Variants in ADGRV1 observed in about 807,000 individuals in gnomAD.
The protein encoded by ADGRV1 is adhesion G protein-coupled receptor V1.
ADGRV1 carries 359 observed loss-of-function variants against 596.2 expected under a neutral mutation model. The observed-to-expected ratio is 0.60, with a 90% CI of 0.55 to 0.66. The LOEUF (loss-of-function observed/expected upper bound fraction) is 0.66. Ranked by LOEUF, ADGRV1 falls within the 30% of genes least tolerant of loss-of-function variation. ADGRV1 has a pLI of 0.00. For missense variants in ADGRV1, 7,274 were observed against 7,575.6 expected, an observed-to-expected ratio of 0.96 and a Z score of 1.48; for synonymous variants, 2,681 against 2,679.2, an observed-to-expected ratio of 1.00 and a Z score of -0.02.
chr5:90,979,711 T>C (rs902811822), intron 84 of ADGRV1, among the ~76,000 whole-genome samples: 2 of 152,194 alleles, frequency 1.3e-5, no homozygotes, highest in Non-Finnish European at 2.9e-5. Context: ...TAAAGAATTG[T>C]CATTTCTGCA....
chr5:90,645,421 G>A (rs1396276948), intron 15 of ADGRV1, among the ~76,000 whole-genome samples: 1 of 152,056 alleles, frequency 6.6e-6, no homozygotes, highest in African/African-American at 2.4e-5. Context: ...CAGTTCACAG[G>A]GATGACGTGA....
intron 83 of ADGRV1, among the ~76,000 whole-genome samples, chr5:90,939,617 A>G (rs1334010132): frequency 6.6e-6 from 1 of 152,204 alleles, no homozygotes; most frequent in Non-Finnish European, 1.5e-5. Flanking sequence ...ATGATAACTT[A>G]GGATAAAGAG....
At chr5:90,689,332 CT>C (rs34756274) in intron 29 of ADGRV1, among the ~76,000 whole-genome samples, 1,800 of 104,382 alleles carry the variant, frequency 0.017, 28 homozygotes, top group African/African-American at 0.06. Flanking sequence ...CCCCACCCAC[CT>C]TTTTTTTTTT....
Position 91,141,587 on chromosome 5 carries a change from G to C in ADGRV1, c.18433-8443G>C, listed in dbSNP as rs144684373. The stretch of plus-strand genomic sequence containing the variant: ...AGCAATTTTAAATGAAAAAAACTAA[G>C]AGTAGTTTTTAAAGATGAAGCAATT... On this transcript the variant is annotated intron_variant, in intron 87 of 89. Coordinates refer to ENST00000405460, the MANE Select transcript of ADGRV1 (RefSeq NM_032119.4). Among the ~76,000 whole-genome samples the C allele has an allele frequency of 3.8e-3, 579 of 152,196 alleles. 3 individuals carry two copies. The highest frequency in any genetic ancestry group is 0.013 in the African/African-American group (547 of 41,534).
intron 87 of ADGRV1, among the ~76,000 whole-genome samples, chr5:91,104,787 T>A (rs1195391434): frequency 6.6e-6 from 1 of 152,142 alleles, no homozygotes; most frequent in Non-Finnish European, 1.5e-5. Context: ...TAATTGTGAT[T>A]TTTGTCATTA....
intron 18 of ADGRV1, 63 bp from the exon 19 acceptor site, chr5:90,652,283 C>T (rs1315048347): frequency 8.6e-7 from 1 of 1,169,454 alleles, no homozygotes; most frequent in African/African-American, 1.6e-5. Flanking sequence ...TCCTTAATAA[C>T]ACAGGAAGCT....
intron 13 of ADGRV1, among the ~76,000 whole-genome samples, chr5:90,643,426 G>A (rs1767264068): frequency 1.3e-5 from 2 of 152,060 alleles, no homozygotes; most frequent in South Asian, 2.1e-4. Flanking sequence ...AGAAATTTGA[G>A]TTTTATATTA....
chr5:90,798,724 T>A (rs183301624), intron 70 of ADGRV1, among the ~76,000 whole-genome samples: 2 of 152,228 alleles, frequency 1.3e-5, no homozygotes, highest in African/African-American at 2.4e-5. Flanking sequence ...AAAGCTTATC[T>A]ACCATGATCA....
At chr5:91,056,720 T>C (rs1185082480) in intron 85 of ADGRV1, among the ~76,000 whole-genome samples, 3 of 152,164 alleles carry the variant, frequency 2.0e-5, no homozygotes, top group Admixed American at 6.5e-5. Context: ...ACTAGGCTTC[T>C]TATCTTCAAG....
Position 90,706,349 on chromosome 5 carries a change from A to G in ADGRV1, c.8685A>G (p.Leu2895=), listed in dbSNP as rs760885944. The part of the protein sequence containing the change: ...DFVPIIGFLI[L]EEGETAAAIN... Reference sequence around the variant, plus strand: ...TCCCTATCATTGGCTTTCTGATTTTAGAAGAAGGGGAAACAGCAGCAGCCA... The same window carrying G: ...TCCCTATCATTGGCTTTCTGATTTTGGAAGAAGGGGAAACAGCAGCAGCCA... Residue 2895 remains leucine (L), a synonymous_variant, in exon 38 of 90, where the codon TTA becomes TTG. Coordinates refer to ENST00000405460, the MANE Select transcript of ADGRV1 (RefSeq NM_032119.4). The G allele has an allele frequency of 1.9e-6, 3 of 1,612,748 alleles. No individual in the cohort carries two copies. Among genetic ancestry groups the G allele is most frequent in the African/African-American group, 2.7e-5 (2 of 74,996 alleles).
At chr5:90,692,537 C>T in intron 31 of ADGRV1, 68 bp from the exon 32 acceptor site, 48 of 1,247,970 alleles carry the variant, frequency 3.8e-5, no homozygotes, top group South Asian at 7.8e-5. Flanking sequence ...GATTTTTTTC[C>T]CTTGAATCAT....
intron 85 of ADGRV1, among the ~76,000 whole-genome samples, chr5:91,021,726 G>A (rs903841269): frequency 2.6e-5 from 4 of 151,996 alleles, no homozygotes; most frequent in Non-Finnish European, 5.9e-5. Flanking sequence ...TATTGTTTCT[G>A]GTGTGGCACA....
chr5:91,050,034 C>A (rs763994625), intron 85 of ADGRV1, among the ~76,000 whole-genome samples: 6 of 152,186 alleles, frequency 3.9e-5, no homozygotes, highest in Non-Finnish European at 8.8e-5. Flanking sequence ...AGATGTCCTC[C>A]TCCAGATCCT....
intron 13 of ADGRV1, among the ~76,000 whole-genome samples, chr5:90,643,447 G>A (rs957268387): frequency 7.2e-5 from 11 of 152,074 alleles, no homozygotes; most frequent in South Asian, 4.2e-4. Context: ...ATGGAACCAG[G>A]TATAGTTCTA....
At chr5:91,037,626 C>T (rs1266414045) in intron 85 of ADGRV1, among the ~76,000 whole-genome samples, 2 of 152,238 alleles carry the variant, frequency 1.3e-5, no homozygotes, top group South Asian at 2.1e-4. Context: ...AGGCTTTAAA[C>T]AGATAAGCCA....
chr5:90,615,536 G>A (rs1192910721), intron 2 of ADGRV1, among the ~76,000 whole-genome samples: 1 of 151,886 alleles, frequency 6.6e-6, no homozygotes, highest in Non-Finnish European at 1.5e-5. Context: ...GATTGTGTGT[G>A]CATAAGTATG....
chr5:90,864,390 A>G (rs1378252171), intron 83 of ADGRV1, among the ~76,000 whole-genome samples: 1 of 152,216 alleles, frequency 6.6e-6, no homozygotes, highest in African/African-American at 2.4e-5. Flanking sequence ...AGCACTGTGT[A>G]AAGCACAGAA....
chr5:90,734,772 C>T (rs1384694503), intron 50 of ADGRV1, among the ~76,000 whole-genome samples: 2 of 151,914 alleles, frequency 1.3e-5, no homozygotes, highest in Non-Finnish European at 2.9e-5. Context: ...CTTGGCCAGG[C>T]TGGTCTCAAA....
chr5:90,981,357 T>C (rs1388180839), intron 84 of ADGRV1, among the ~76,000 whole-genome samples: 3 of 152,174 alleles, frequency 2.0e-5, no homozygotes, highest in Admixed American at 1.3e-4. Flanking sequence ...TAACTTTGAA[T>C]AGAATGGGAG....
Sources: gnomAD v4.1 joint callset for allele counts (sites outside exome capture counted in the v4.1 genomes callset) on GRCh38, gnomAD v4.1.1 for gene constraint, MANE v1.5 for transcripts, NCBI Gene and HGNC (gene_info 2026-07-23, HGNC 2026-07-21) for gene names.